Variants in FEZ1 observed in about 807,000 individuals in gnomAD.
FEZ1 encodes fasciculation and elongation protein zeta 1.
In FEZ1, 20 loss-of-function variants were observed where a neutral mutation model predicts 49.3. The observed-to-expected ratio is 0.41, with a 90% CI of 0.29 to 0.59. The LOEUF (loss-of-function observed/expected upper bound fraction) is 0.59, where lower values mean the gene tolerates loss of function less well. FEZ1 is among the 20% of genes least tolerant of loss of function. The pLI, the probability that FEZ1 is intolerant of heterozygous loss-of-function variation, is 0.36. For synonymous variants in FEZ1, 170 were observed against 180.9 expected, an observed-to-expected ratio of 0.94 and a Z score of 0.48; for missense variants, 413 against 476.0, an observed-to-expected ratio of 0.87 and a Z score of 1.23.
intron 3 of FEZ1, among the ~76,000 whole-genome samples, chr11:125,464,098 T>C (rs1706506274): frequency 1.3e-5 from 2 of 152,206 alleles, no homozygotes; most frequent in African/African-American, 4.8e-5. Flanking sequence ...CATGATGTCA[T>C]AGCTGATGGC....
intron 7 of FEZ1, chr11:125,453,928 C>CAAAA (rs34707154): frequency 1.2e-5 from 3 of 245,096 alleles, no homozygotes; most frequent in South Asian, 1.1e-4. Flanking sequence ...CACTAGAGCT[C>CAAAA]AAAAAAAAAA....
At position 125,491,822 on chromosome 11, in the gene FEZ1, C is replaced by T. The variant is rs1957385482; in HGVS notation, c.-45-2000G>A. ...GAGCATTTACAGTTTGCAAAGGCAACATGATAGGACCTTTGAATACAAAAA... is the reference window on the plus strand; with the variant it reads ...GAGCATTTACAGTTTGCAAAGGCAATATGATAGGACCTTTGAATACAAAAA... On this transcript the variant is annotated intron_variant, in intron 1 of 9. Coordinates refer to ENST00000278919, the MANE Select transcript of FEZ1 (RefSeq NM_005103.5). Among the ~76,000 whole-genome samples the T allele has an allele frequency of 3.9e-5, 6 of 152,208 alleles. No homozygotes were observed. The South Asian group carries it at 1.2e-3, about 32-fold the overall frequency.
At chr11:125,478,999 C>T (rs1035784827) in intron 3 of FEZ1, among the ~76,000 whole-genome samples, 12 of 152,246 alleles carry the variant, frequency 7.9e-5, no homozygotes, top group Admixed American at 1.3e-4. Context: ...ATCTTCTTTG[C>T]GGTTTGGGTA....
rs901190786 is a variant in FEZ1, at chr11:125,444,324, G to T, written c.*1771C>A. Among the ~76,000 whole-genome samples, 4 of 152,182 alleles carry T rather than the reference G, an allele frequency of 2.6e-5. No individual in the cohort carries two copies. The highest frequency in any genetic ancestry group is 9.6e-5 in the African/African-American group (4 of 41,460). Reference sequence around the variant, plus strand: ...AGCCGAGCTAGGCGCGGTGACTCACGCCTATAATCCCAGCACTTTGGGAAG... The same window carrying T: ...AGCCGAGCTAGGCGCGGTGACTCACTCCTATAATCCCAGCACTTTGGGAAG... On this transcript the variant is annotated 3_prime_UTR_variant, in exon 10 of 10. Transcript: ENST00000278919.
intron 3 of FEZ1, among the ~76,000 whole-genome samples, chr11:125,474,006 C>T (rs575890695): frequency 1.1e-4 from 16 of 151,516 alleles, no homozygotes; most frequent in Admixed American, 1.1e-3. Flanking sequence ...ATAAATTGGA[C>T]CTCATCACAT....
rs549003815 is a variant in FEZ1, at chr11:125,462,693, C to A, written c.498+791G>T. Among the ~76,000 whole-genome samples, 7 of 152,194 alleles carry A rather than the reference C, an allele frequency of 4.6e-5. No individual in the cohort carries two copies. The South Asian group carries it at 1.2e-3, about 27-fold the overall frequency. ...CCTGAGGCAGAAAGAGAGATGAAATCCCTTATCAAAAATACTCTGAGTTGG... is the reference window on the plus strand; with the variant it reads ...CCTGAGGCAGAAAGAGAGATGAAATACCTTATCAAAAATACTCTGAGTTGG... On this transcript the variant is annotated intron_variant, in intron 4 of 9. Transcript: ENST00000278919.
chr11:125,474,014 C>T (rs1204230773), intron 3 of FEZ1, among the ~76,000 whole-genome samples: 1 of 151,258 alleles, frequency 6.6e-6, no homozygotes, highest in Non-Finnish European at 1.5e-5. Context: ...GACCTCATCA[C>T]ATTTAATTTT....
chr11:125,495,360 A>C lies in FEZ1; in HGVS notation c.-46+761T>G, dbSNP rs535979315. On this transcript the variant is annotated intron_variant, in intron 1 of 9. Transcript: ENST00000278919. The surrounding 1 kb of genome is among the most constrained non-coding windows in gnomAD (Gnocchi z 4.2). ...AGCGGCGAGGAGAGAAGGGATAGGC[A>C]AAAGGGAAGAAGAGCGGGCTGTGAT... The C allele has an allele frequency of 3.8e-5, 18 of 470,376 alleles. No homozygotes were observed. The highest frequency in any genetic ancestry group is 3.5e-4 in the East Asian group (5 of 14,360). The allele number at this position is 470,376 out of a possible 1,614,324, so 29.1% of individuals were successfully genotyped here. A position where few individuals can be genotyped will look rare whatever the true frequency, so the allele number is the denominator to read the frequency against.
At chr11:125,456,540 G>A (rs1304512637) in intron 5 of FEZ1, among the ~76,000 whole-genome samples, 1 of 152,178 alleles carries the variant, frequency 6.6e-6, no homozygotes, top group Non-Finnish European at 1.5e-5. Flanking sequence ...AACTGATCAA[G>A]ATATAGCATA....
chr11:125,466,775 T>C (rs1015730424), intron 3 of FEZ1, among the ~76,000 whole-genome samples: 1 of 152,230 alleles, frequency 6.6e-6, no homozygotes, highest in African/African-American at 2.4e-5. Flanking sequence ...TTCTGAATGA[T>C]GATTAAAATT....
intron 1 of FEZ1, among the ~76,000 whole-genome samples, chr11:125,493,498 GAAAGAAAGAGA>G (rs1957421341): frequency 9.3e-6 from 1 of 107,410 alleles, no homozygotes; most frequent in African/African-American, 4.2e-5. Flanking sequence ...AGGAAAGAAA[GAAAGAAAGAGA>G]GAAAGAAAGA....
chr11:125,490,855 C>A (rs1246414972), intron 1 of FEZ1, among the ~76,000 whole-genome samples: 1 of 152,164 alleles, frequency 6.6e-6, no homozygotes, highest in African/African-American at 2.4e-5. Flanking sequence ...ACCTACACCT[C>A]TGGGTTCCAC....
chr11:125,458,417 C>T (rs1300270377), intron 5 of FEZ1, among the ~76,000 whole-genome samples: 1 of 152,206 alleles, frequency 6.6e-6, no homozygotes, highest in Non-Finnish European at 1.5e-5. Flanking sequence ...GTCATAATTA[C>T]TATAAACCTG....
chr11:125,460,713 G>A (rs1385293754), intron 4 of FEZ1, 47 bp from the exon 5 acceptor site: 4 of 1,548,990 alleles, frequency 2.6e-6, no homozygotes. Context: ...TCTGCTAGAG[G>A]GGCATTCTGG....
intron 1 of FEZ1, among the ~76,000 whole-genome samples, chr11:125,493,449 G>A (rs1284679144): frequency 4.0e-4 from 16 of 39,578 alleles, no homozygotes; most frequent in South Asian, 2.6e-3. Context: ...AAGGAAAGAA[G>A]GAAAGAAGGA....
chr11:125,476,768 C>G (rs1218745160), intron 3 of FEZ1, among the ~76,000 whole-genome samples: 1 of 152,148 alleles, frequency 6.6e-6, no homozygotes, highest in East Asian at 1.9e-4. Flanking sequence ...GAACAAAGCC[C>G]TCAGAATGCT....
At position 125,455,833 on chromosome 11, in the gene FEZ1, A is replaced by C. The variant is rs1957005297; in HGVS notation, c.939+2T>G. ...CAGTCTTCCACCTGGTTGTTCACCT[A>C]CCTTGAGAGGCATCTGGTTTCCCTT... On this transcript the variant is annotated splice_donor_variant, in intron 6 of 9. Coordinates refer to ENST00000278919, the MANE Select transcript of FEZ1 (RefSeq NM_005103.5). LOFTEE classifies it high-confidence loss of function. The C allele has an allele frequency of 1.2e-6, 2 of 1,613,614 alleles. No homozygotes were observed. Among genetic ancestry groups the C allele is most frequent in the Non-Finnish European group, 1.7e-6 (2 of 1,179,936 alleles).
chr11:125,446,660 GTTGTT>G (rs1434003999), intron 9 of FEZ1, among the ~76,000 whole-genome samples: 6 of 125,062 alleles, frequency 4.8e-5, no homozygotes, highest in Admixed American at 1.6e-4. Context: ...TGTTGTTGTT[GTTGTT>G]TTGTTTTGTG....
chr11:125,456,682 C>T (rs147693441), intron 5 of FEZ1, among the ~76,000 whole-genome samples: 14 of 152,082 alleles, frequency 9.2e-5, no homozygotes, highest in African/African-American at 3.4e-4. Context: ...TAAAGCCTAG[C>T]GGGTTAGCAT....
Sources: gnomAD v4.1 joint callset for allele counts (sites outside exome capture counted in the v4.1 genomes callset) on GRCh38, gnomAD v4.1.1 for gene constraint, Gnocchi (gnomAD v3.1) non-coding constraint, MANE v1.5 for transcripts, NCBI Gene and HGNC (gene_info 2026-07-23, HGNC 2026-07-21) for gene names.